Variants in SHANK2 observed in about 807,000 individuals in gnomAD.
The protein encoded by SHANK2 is SH3 and multiple ankyrin repeat domains 2, also known as SH3 and multiple ankyrin repeat domains protein 2.
In SHANK2, 43 loss-of-function variants were observed where a neutral mutation model predicts 133.7. The ratio of observed to expected loss-of-function variants is 0.32; its 90% CI spans 0.25 to 0.41. SHANK2 has a LOEUF of 0.41. Among genes scored for constraint, SHANK2 ranks in the 10% least tolerant of loss-of-function variants. The probability of loss-of-function intolerance (pLI) is 1.00; values close to 1 mark genes in which losing one functional copy is unlikely to be tolerated. For synonymous variants in SHANK2, 1,017 were observed against 952.8 expected, an observed-to-expected ratio of 1.07 and a Z score of -1.24; for missense variants, 1,994 against 2,235.8, an observed-to-expected ratio of 0.89 and a Z score of 2.18.
intron 9 of SHANK2, among the ~76,000 whole-genome samples, chr11:71,073,628 C>G (rs976640679): frequency 7.5e-4 from 114 of 152,054 alleles, no homozygotes; most frequent in Non-Finnish European, 9.3e-4. Context: ...CCACCATACC[C>G]GGCTGATTTT....
intron 10 of SHANK2, among the ~76,000 whole-genome samples, chr11:70,949,401 T>C (rs1950800977): frequency 1.3e-5 from 2 of 152,224 alleles, no homozygotes; most frequent in Admixed American, 1.3e-4. Flanking sequence ...GACCCTGGGC[T>C]GCACAAGCTC....
rs541988564 is a variant in SHANK2, at chr11:70,710,547, G to A, written c.1778-11784C>T. On this transcript the variant is annotated intron_variant, in intron 14 of 25. Transcript: ENST00000601538. ...CCCCACAGTAATGTCAGGGTTGATG[G>A]TGAAAGGGGGATTATCAGGTGGGAC... 2.6e-3 allele frequency among the ~76,000 whole-genome samples: 391 copies of A among 152,352 alleles called. 2 individuals carry two copies. The highest frequency in any genetic ancestry group is 9.0e-3 in the African/African-American group (373 of 41,574).
At chr11:70,855,363 C>G (rs145189852) in intron 11 of SHANK2, among the ~76,000 whole-genome samples, 14 of 152,348 alleles carry the variant, frequency 9.2e-5, no homozygotes, top group African/African-American at 3.4e-4. Context: ...GCCCATCAGT[C>G]TGGCCCAACT....
chr11:71,060,552 G>A (rs1423962475), intron 9 of SHANK2, among the ~76,000 whole-genome samples: 2 of 152,232 alleles, frequency 1.3e-5, no homozygotes, highest in African/African-American at 2.4e-5. Flanking sequence ...CACAGAAGAT[G>A]TTCACCCACT....
At chr11:71,114,799 C>T (rs1951949278) in intron 4 of SHANK2, among the ~76,000 whole-genome samples, 1 of 152,120 alleles carries the variant, frequency 6.6e-6, no homozygotes, top group Non-Finnish European at 1.5e-5. Flanking sequence ...TGCCAGGTGC[C>T]TTCTCAGGCT....
intron 17 of SHANK2, among the ~76,000 whole-genome samples, chr11:70,576,254 T>C (rs527977106): frequency 6.6e-6 from 1 of 151,958 alleles, no homozygotes; most frequent in Non-Finnish European, 1.5e-5. Context: ...GGTGAAGATG[T>C]GGTGCAGAGC....
chr11:70,823,639 G>T (rs1435001110), intron 11 of SHANK2, among the ~76,000 whole-genome samples: 1 of 149,710 alleles, frequency 6.7e-6, no homozygotes, highest in African/African-American at 2.5e-5. Context: ...GCATTCACGG[G>T]GGACAGAGGT....
At chr11:70,858,854 G>A (rs578220110) in intron 11 of SHANK2, among the ~76,000 whole-genome samples, 1 of 152,324 alleles carries the variant, frequency 6.6e-6, no homozygotes, top group South Asian at 2.1e-4. Flanking sequence ...CTTTCCTACT[G>A]CAGGGTCTTG....
At chr11:71,100,882 A>T (rs1951706726) in intron 6 of SHANK2, among the ~76,000 whole-genome samples, 2 of 151,668 alleles carry the variant, frequency 1.3e-5, no homozygotes, top group Non-Finnish European at 2.9e-5. Context: ...AAAAAAAAAA[A>T]AATCAGTGGT....
chr11:70,742,454 G>A (rs1946549209), intron 14 of SHANK2, among the ~76,000 whole-genome samples: 1 of 152,280 alleles, frequency 6.6e-6, no homozygotes, highest in East Asian at 1.9e-4. Flanking sequence ...TCTCTGCCTA[G>A]GTCCAGGACA....
rs111990839 is a variant in SHANK2, at chr11:70,839,157, G to A, written c.1175-18475C>T. On this transcript the variant is annotated intron_variant, in intron 11 of 25. Transcript: ENST00000601538. ...ATTATATTTAATACAACACACTTGC[G>A]GATATTCAGTAAAGTGGGGGAGAAG... Among the ~76,000 whole-genome samples the A allele has an allele frequency of 4.0e-4, 61 of 152,316 alleles. 1 individual carries two copies. Among genetic ancestry groups the A allele is most frequent in the South Asian group, 1.2e-3 (6 of 4,826 alleles).
chr11:70,694,479 C>T (rs1945351978), intron 15 of SHANK2, among the ~76,000 whole-genome samples: 1 of 152,246 alleles, frequency 6.6e-6, no homozygotes, highest in Non-Finnish European at 1.5e-5. Context: ...ATTACACTTG[C>T]ATCGGCAGTG....
intron 10 of SHANK2, among the ~76,000 whole-genome samples, chr11:70,903,757 A>G (rs1202990380): frequency 6.6e-6 from 1 of 152,146 alleles, no homozygotes; most frequent in Non-Finnish European, 1.5e-5. Flanking sequence ...CACCGCAGAG[A>G]CTTCCTGTCC....
intron 17 of SHANK2, among the ~76,000 whole-genome samples, chr11:70,524,125 C>G (rs1056912839): frequency 6.6e-6 from 1 of 152,194 alleles, no homozygotes; most frequent in African/African-American, 2.4e-5. Flanking sequence ...CCCTATGGAC[C>G]AGGTGGCGAC....
chr11:70,673,070 T>C (rs1037315360), intron 15 of SHANK2, among the ~76,000 whole-genome samples: 3 of 152,204 alleles, frequency 2.0e-5, no homozygotes, highest in Non-Finnish European at 4.4e-5. Context: ...GCAGGCTGGG[T>C]GTCCCCCTGT....
intron 11 of SHANK2, among the ~76,000 whole-genome samples, chr11:70,869,134 G>A (rs1555069676): frequency 6.6e-6 from 1 of 152,178 alleles, no homozygotes; most frequent in Non-Finnish European, 1.5e-5. Context: ...ACAGGGAGAA[G>A]GCAAAGTCTA....
intron 17 of SHANK2, among the ~76,000 whole-genome samples, chr11:70,528,995 T>G (rs1225939327): frequency 6.6e-6 from 1 of 152,068 alleles, no homozygotes; most frequent in Non-Finnish European, 1.5e-5. Context: ...AGACGGGATC[T>G]CCTCAATGTG....
intron 2 of SHANK2, among the ~76,000 whole-genome samples, chr11:71,200,950 G>A (rs1185797625): frequency 6.6e-6 from 1 of 152,088 alleles, no homozygotes; most frequent in Admixed American, 6.5e-5. Flanking sequence ...GTTCAGTGGT[G>A]CATTCAACCA....
rs782131753 is a variant in SHANK2 at position 70,658,208 on chromosome 11, A to AACAC, written c.2061+1616_2061+1619dup. Among the ~76,000 whole-genome samples the AACAC allele has an allele frequency of 9.9e-3, 961 of 97,482 alleles. 16 individuals are homozygous for AACAC. Among genetic ancestry groups the AACAC allele is most frequent in the East Asian group, 0.019 (64 of 3,336 alleles). 64.0% of individuals were successfully genotyped at this position (97,482 alleles called of 152,430 possible). ...GCTAGGCCCAAGGCCACGCCCCCCCAACACACACACACACACACACACACA... is the reference window on the plus strand; with the variant it reads ...GCTAGGCCCAAGGCCACGCCCCCCCAACACACACACACACACACACACACACACA... On this transcript the variant is annotated intron_variant, in intron 17 of 25. Transcript: ENST00000601538.
Sources: gnomAD v4.1 joint callset for allele counts (sites outside exome capture counted in the v4.1 genomes callset) on GRCh38, gnomAD v4.1.1 for gene constraint, MANE v1.5 for transcripts, NCBI Gene and HGNC (gene_info 2026-07-23, HGNC 2026-07-21) for gene names.